Variants in GPR158 observed in about 807,000 individuals in gnomAD.
GPR158 encodes the protein G protein-coupled receptor 158, also known as metabotropic glycine receptor.
In GPR158, 30 loss-of-function variants were observed where a neutral mutation model predicts 78.2. The observed-to-expected ratio is 0.38, with a 90% CI of 0.29 to 0.52. GPR158 has a LOEUF of 0.52. Among genes scored for constraint, GPR158 ranks in the 20% least tolerant of loss-of-function variants. GPR158 has a pLI of 0.83. For missense variants in GPR158, 1,463 were observed against 1,523.5 expected (o/e 0.96, Z 0.66); for synonymous variants, 581 against 591.1 (o/e 0.98, Z 0.25).
At chr10:25,341,782 A>G (rs1038835577) in intron 2 of GPR158, among the ~76,000 whole-genome samples, 6 of 151,870 alleles carry the variant, frequency 4.0e-5, no homozygotes, top group South Asian at 4.1e-4. Context: ...GTCTGTGCCA[A>G]TCTTTTGTAG....
chr10:25,586,576 A>AATTTTTTT (rs1837272048), intron 7 of GPR158, among the ~76,000 whole-genome samples: 1 of 151,182 alleles, frequency 6.6e-6, no homozygotes, highest in African/African-American at 2.4e-5. Flanking sequence ...CTAATTTTTT[A>AATTTTTTT]AATTTTTTTA....
intron 5 of GPR158, among the ~76,000 whole-genome samples, chr10:25,474,966 C>T (rs1017102762): frequency 3.9e-4 from 59 of 152,134 alleles, no homozygotes; most frequent in Middle Eastern, 3.4e-3. Flanking sequence ...ATTTTGACTT[C>T]TAATATTCAT....
At chr10:25,578,818 T>G (rs898296426) in intron 7 of GPR158, among the ~76,000 whole-genome samples, 8 of 151,884 alleles carry the variant, frequency 5.3e-5, no homozygotes, top group African/African-American at 1.9e-4. Flanking sequence ...CCATCCTGGC[T>G]AACACAGTGA....
chr10:25,295,888 A>G (rs1170573844), intron 2 of GPR158, among the ~76,000 whole-genome samples: 2 of 152,140 alleles, frequency 1.3e-5, no homozygotes, highest in African/African-American at 4.8e-5. Flanking sequence ...CCTGTCAAAT[A>G]TCAATTCTTC....
intron 6 of GPR158, among the ~76,000 whole-genome samples, chr10:25,570,669 C>T (rs1320793128): frequency 1.3e-5 from 2 of 152,176 alleles, no homozygotes; most frequent in Admixed American, 6.5e-5. Flanking sequence ...AATCCCAGCA[C>T]TTTGGGAGGC....
In GPR158 at chr10:25,412,401, C is replaced by A. The variant is rs1834604002; in HGVS notation, c.1263C>A (p.Ile421=). 1 of 1,613,914 alleles carries A rather than the reference C, an allele frequency of 6.2e-7. No homozygotes were observed. The highest frequency in any genetic ancestry group is 1.3e-5 in the African/African-American group (1 of 74,940). Residue 421 remains isoleucine (I), a synonymous_variant, in exon 4 of 11, where the codon ATC becomes ATA. Coordinates refer to ENST00000376351, the MANE Select transcript of GPR158 (RefSeq NM_020752.3). The stretch of plus-strand genomic sequence containing the variant: ...ATAAGTATTTACGACTTGCCATCAT[C>A]TCCTTCCAAGCCCTGTGTATGCTGC... The part of the protein sequence containing the change: ...QEDKYLRLAI[I]SFQALCMLLD...
chr10:25,333,818 C>T (rs1305986894), intron 2 of GPR158, among the ~76,000 whole-genome samples: 4 of 151,940 alleles, frequency 2.6e-5, no homozygotes, highest in Non-Finnish European at 4.4e-5. Flanking sequence ...TAAATGTAGA[C>T]GATTTCCTGG....
intron 4 of GPR158, among the ~76,000 whole-genome samples, chr10:25,413,992 G>A (rs1314263584): frequency 6.6e-6 from 1 of 152,124 alleles, no homozygotes; most frequent in East Asian, 1.9e-4. Flanking sequence ...TATAGGTTTT[G>A]TAAAAAGCCT....
At chr10:25,459,832 CA>C (rs1215021068) in intron 4 of GPR158, among the ~76,000 whole-genome samples, 3 of 151,494 alleles carry the variant, frequency 2.0e-5, no homozygotes, top group Non-Finnish European at 3.0e-5. Flanking sequence ...TATAATTTGA[CA>C]TATTTTTTTG....
chr10:25,466,787 TACACAC>T lies in GPR158; in HGVS notation c.1404+82_1404+87del, dbSNP rs71399973. ...TGTTGCATACTATAAAGTTACTGTTTACACACACACACACACACATACACACACCCT... is the reference window on the plus strand; with the variant it reads ...TGTTGCATACTATAAAGTTACTGTTTACACACACACACATACACACACCCT... On this transcript the variant is annotated intron_variant, in intron 5 of 10. Transcript: ENST00000376351. 3.8e-5 allele frequency: 27 copies of T among 707,426 alleles called. No homozygotes were observed. The East Asian group carries it at 6.3e-4, about 17-fold the overall frequency. 43.8% of individuals were successfully genotyped at this position (707,426 alleles called of 1,614,324 possible). A position where few individuals can be genotyped will look rare whatever the true frequency, so the allele number is the denominator to read the frequency against.
At chr10:25,268,149 G>T (rs909197881) in intron 2 of GPR158, among the ~76,000 whole-genome samples, 5 of 151,830 alleles carry the variant, frequency 3.3e-5, no homozygotes, top group African/African-American at 4.8e-5. Context: ...CCAATTTTTT[G>T]AATACTCTCT....
intron 5 of GPR158, among the ~76,000 whole-genome samples, chr10:25,504,839 C>T (rs961667474): frequency 1.3e-5 from 2 of 152,096 alleles, no homozygotes; most frequent in Admixed American, 1.3e-4. Context: ...CTTGAGTATT[C>T]GTTCTGGGTC....
intron 5 of GPR158, among the ~76,000 whole-genome samples, chr10:25,480,326 A>T (rs989668234): frequency 1.2e-4 from 18 of 152,068 alleles, no homozygotes; most frequent in African/African-American, 4.3e-4. Flanking sequence ...CTTTTTCATT[A>T]TGGTAAAATA....
At chr10:25,240,763 A>G (rs1342322161) in intron 2 of GPR158, among the ~76,000 whole-genome samples, 1 of 152,236 alleles carries the variant, frequency 6.6e-6, no homozygotes, top group African/African-American at 2.4e-5. Flanking sequence ...AGAATTTAGT[A>G]TCAATAATTG....
chr10:25,412,503 G>C (rs761025594), intron 4 of GPR158, 30 bp downstream of exon 4: 1 of 1,425,492 alleles, frequency 7.0e-7, no homozygotes, highest in Non-Finnish European at 9.9e-7. Context: ...TTATGATCCT[G>C]TATTACAGAG....
intron 5 of GPR158, among the ~76,000 whole-genome samples, chr10:25,543,423 C>A (rs368752835): frequency 1.3e-5 from 2 of 152,046 alleles, no homozygotes; most frequent in East Asian, 3.9e-4. Context: ...ACCCAGCCAG[C>A]AATACTTTTT....
rs1837492902 is a variant in GPR158, at chr10:25,601,196, A to T, written c.*1922A>T. 6.6e-6 allele frequency: 1 copy of T among 152,594 alleles called. No individual in the cohort carries two copies. Among genetic ancestry groups the T allele is most frequent in the African/African-American group, 2.4e-5 (1 of 41,446 alleles). The allele number at this position is 152,594 out of a possible 1,614,324, so 9.5% of individuals were successfully genotyped here. A position where few individuals can be genotyped will look rare whatever the true frequency, so the allele number is the denominator to read the frequency against. On this transcript the variant is annotated 3_prime_UTR_variant, in exon 11 of 11. Transcript: ENST00000376351. ...TCAAATTTTTCTCAGTGATTTTTTT[A>T]TTCAGGAGTAAGCAAGCACTTCACT...
intron 4 of GPR158, among the ~76,000 whole-genome samples, chr10:25,431,579 A>G (rs1027327041): frequency 1.1e-4 from 14 of 132,752 alleles, no homozygotes; most frequent in African/African-American, 3.6e-4. Flanking sequence ...TTGTGGCACT[A>G]TTCACAATAG....
intron 2 of GPR158, among the ~76,000 whole-genome samples, chr10:25,312,715 TAAAA>T (rs1289383849): frequency 6.6e-6 from 1 of 152,142 alleles, no homozygotes. Flanking sequence ...AACTGAATAT[TAAAA>T]AGAAATGTAT....
Sources: gnomAD v4.1 joint callset for allele counts (sites outside exome capture counted in the v4.1 genomes callset) on GRCh38, gnomAD v4.1.1 for gene constraint, MANE v1.5 for transcripts, NCBI Gene and HGNC (gene_info 2026-07-23, HGNC 2026-07-21) for gene names.